EPB41L1: variants seen among roughly 807,000 people sequenced by gnomAD.
EPB41L1 encodes erythrocyte membrane protein band 4.1 like 1.
Under a neutral mutation model 97.8 loss-of-function variants are expected in EPB41L1, and 29 were observed. The ratio of observed to expected loss-of-function variants is 0.30; its 90% confidence interval spans 0.22 to 0.40. EPB41L1 has a LOEUF of 0.40. Ranked by LOEUF, EPB41L1 falls within the 10% of genes least tolerant of loss-of-function variation. The pLI is 1.00. For missense variants in EPB41L1, 812 were observed against 1,162.3 expected (o/e 0.70, Z 4.38); for synonymous variants, 383 against 459.2 (o/e 0.83, Z 2.12).
chr20:36,165,399 T>C (rs1230067793), intron 1 of EPB41L1, among the ~76,000 whole-genome samples: 1 of 151,840 alleles, frequency 6.6e-6, no homozygotes, highest in Non-Finnish European at 1.5e-5. Context: ...TGAGGAAACA[T>C]GCTCAGAAAG....
At chr20:36,129,341 A>C (rs2059099704) in intron 2 of EPB41L1, among the ~76,000 whole-genome samples, 1 of 151,930 alleles carries the variant, frequency 6.6e-6, no homozygotes, top group Admixed American at 6.6e-5. Context: ...GGGTGTGGTA[A>C]GTTACCGCTT....
intron 1 of EPB41L1, among the ~76,000 whole-genome samples, chr20:36,100,032 A>G (rs1291607956): frequency 6.6e-6 from 1 of 152,132 alleles, no homozygotes; most frequent in Non-Finnish European, 1.5e-5. Context: ...CTCTGGTGGG[A>G]GGGCCACCAT....
At position 36,190,611 on chromosome 20, in the gene EPB41L1, C is replaced by G. The variant is rs765375723; in HGVS notation, c.1125-11C>G. 4.3e-6 allele frequency: 7 copies of G among 1,613,778 alleles called. No homozygotes were observed. The South Asian group carries it at 7.7e-5, about 18-fold the overall frequency. ...TGATTCCTCCTCCTCCCCTGCATCC[C>G]TCTGCTGCAGGCTGGTGTCCCCTGA... On this transcript the variant is annotated splice_polypyrimidine_tract_variant and intron_variant, in intron 10 of 21. Coordinates refer to ENST00000338074, the MANE Select transcript of EPB41L1 (RefSeq NM_012156.2). The surrounding 1 kb of genome is among the most constrained non-coding windows in gnomAD (Gnocchi z 5.8).
chr20:36,106,412 C>G (rs561349738), intron 1 of EPB41L1, among the ~76,000 whole-genome samples: 116 of 152,324 alleles, frequency 7.6e-4, no homozygotes, highest in African/African-American at 2.7e-3. Flanking sequence ...CTCAGGGTTC[C>G]AAGTCAGCAG....
chr20:36,205,880 A>AGT (rs1569312286), intron 14 of EPB41L1: 1 of 1,289,766 alleles, frequency 7.8e-7, no homozygotes, highest in Admixed American at 2.3e-5. Context: ...ATAGAAAGAG[A>AGT]GTACACTAGG....
chr20:36,133,169 C>T (rs777677981), intron 2 of EPB41L1, among the ~76,000 whole-genome samples: 2 of 152,180 alleles, frequency 1.3e-5, no homozygotes, highest in Non-Finnish European at 2.9e-5. Flanking sequence ...GGTCCACCAG[C>T]GTTGAGCCCC....
At chr20:36,147,844 C>T (rs1474573350) in intron 2 of EPB41L1, among the ~76,000 whole-genome samples, 1 of 152,188 alleles carries the variant, frequency 6.6e-6, no homozygotes, top group Non-Finnish European at 1.5e-5. Flanking sequence ...ATGCAAACCT[C>T]AGCTGACACT....
chr20:36,162,577 C>T (rs1600680732), intron 1 of EPB41L1, among the ~76,000 whole-genome samples: 1 of 152,182 alleles, frequency 6.6e-6, no homozygotes, highest in Admixed American at 6.5e-5. Flanking sequence ...CAGCATGTTG[C>T]CCAGCTCTCG....
chr20:36,181,306 C>G (rs1228260127), intron 5 of EPB41L1, among the ~76,000 whole-genome samples: 2 of 152,142 alleles, frequency 1.3e-5, no homozygotes, highest in Non-Finnish European at 2.9e-5. Context: ...TTGTCCAGTA[C>G]CTCATATCTA....
At chr20:36,135,227 C>G (rs558771531) in intron 2 of EPB41L1, among the ~76,000 whole-genome samples, 33 of 152,300 alleles carry the variant, frequency 2.2e-4, no homozygotes, top group Admixed American at 1.3e-3. Flanking sequence ...GTTTACTTCT[C>G]TTAAAACCAT....
chr20:36,165,739 G>C (rs2060714134), intron 1 of EPB41L1, among the ~76,000 whole-genome samples: 1 of 152,188 alleles, frequency 6.6e-6, no homozygotes, highest in Non-Finnish European at 1.5e-5. Flanking sequence ...GCCCAAAGCT[G>C]ATCAGATCGG....
In EPB41L1 at chr20:36,172,374, C is replaced by T. The variant is rs557205563; in HGVS notation, c.-14-1390C>T. Reference sequence around the variant, plus strand: ...GATTATAGGCATGAGCCACTGCTCCCGGCTTATGTATGCATATTTTAAAAG... The same window carrying T: ...GATTATAGGCATGAGCCACTGCTCCTGGCTTATGTATGCATATTTTAAAAG... On this transcript the variant is annotated intron_variant, in intron 1 of 21. Coordinates refer to ENST00000338074, the MANE Select transcript of EPB41L1 (RefSeq NM_012156.2). Among the ~76,000 whole-genome samples the T allele has an allele frequency of 2.0e-3, 304 of 152,252 alleles. 7 individuals carry two copies. Among genetic ancestry groups the T allele is most frequent in the Non-Finnish European group, 2.3e-3 (154 of 68,016 alleles).
In EPB41L1 at chr20:36,209,749, G is replaced by C. The variant is rs774491669; in HGVS notation, c.1930G>C (p.Asp644His). Residue 644 changes from aspartate to histidine, a missense_variant, in exon 15 of 22, where the codon GAC becomes CAC. Asp to His is a moderately conservative substitution (Grantham distance 81, BLOSUM62 -1). Coordinates refer to ENST00000338074, the MANE Select transcript of EPB41L1 (RefSeq NM_012156.2). This position sits in a 1 kb window ranked among gnomAD's most constrained non-coding sequence, Gnocchi z 4.2. ...CTTCTCCCGCAGCCTGCCTGAGCTC[G>C]ACCGGGACAAAAGCGACTCGGACAC... The part of the protein sequence containing the change: ...EDFSRSLPEL[D>H]RDKSDSDTEG... 6 of 1,613,644 alleles carry C rather than the reference G, an allele frequency of 3.7e-6. No individual in the cohort carries two copies. The highest frequency in any genetic ancestry group is 1.3e-5 in the African/African-American group (1 of 75,012).
intron 21 of EPB41L1, among the ~76,000 whole-genome samples, chr20:36,224,641 G>A (rs373789200): frequency 1.3e-5 from 2 of 152,080 alleles, no homozygotes; most frequent in African/African-American, 4.8e-5. Context: ...GCGAGACTCC[G>A]TCTCAAAAAT....
intron 2 of EPB41L1, among the ~76,000 whole-genome samples, chr20:36,126,593 C>T (rs1024659209): frequency 2.0e-5 from 3 of 152,072 alleles, no homozygotes; most frequent in Non-Finnish European, 4.4e-5. Context: ...CTCAAACTCC[C>T]GACCTCGGAT....
At chr20:36,129,796 T>C (rs1006296) in intron 2 of EPB41L1, among the ~76,000 whole-genome samples, 60,673 of 151,948 alleles carry the variant, frequency 0.4, 15,618 homozygotes, top group African/African-American at 0.74. Flanking sequence ...TGAGAGCTCA[T>C]TATGTTGGCC....
chr20:36,132,414 A>G (rs1485004905), intron 2 of EPB41L1, among the ~76,000 whole-genome samples: 1 of 152,034 alleles, frequency 6.6e-6, no homozygotes, highest in Non-Finnish European at 1.5e-5. Flanking sequence ...GACTTACAAG[A>G]ACCCCTGTGG....
intron 2 of EPB41L1, among the ~76,000 whole-genome samples, chr20:36,141,589 G>T (rs1569115070): frequency 6.6e-6 from 1 of 152,162 alleles, no homozygotes; most frequent in Non-Finnish European, 1.5e-5. Flanking sequence ...GAGATTCTAG[G>T]AGGGACCTTC....
intron 6 of EPB41L1, 85 bp downstream of exon 6, chr20:36,182,432 T>C: frequency 6.2e-6 from 9 of 1,458,650 alleles, no homozygotes; most frequent in South Asian, 1.1e-5. Context: ...ACAGGCAGTA[T>C]GTGACAGCAG....
Sources: gnomAD v4.1 joint callset for allele counts (sites outside exome capture counted in the v4.1 genomes callset) on GRCh38, gnomAD v4.1.1 for gene constraint, Gnocchi (gnomAD v3.1) non-coding constraint, MANE v1.5 for transcripts, NCBI Gene and HGNC (gene_info 2026-07-23, HGNC 2026-07-21) for gene names.